The following SLC43A2 variants were observed in gnomAD, a reference collection of about 807,000 sequenced individuals.
The protein encoded by SLC43A2 is solute carrier family 43 member 2.
A neutral mutation model predicts 63.2 loss-of-function variants in SLC43A2; 38 were observed. That is an observed-to-expected ratio of 0.60 (90% CI 0.46 to 0.79). The LOEUF (loss-of-function observed/expected upper bound fraction) is 0.79. SLC43A2 is among the 30% of genes least tolerant of loss of function. SLC43A2 has a pLI of 0.00. For missense variants in SLC43A2, 644 were observed against 756.2 expected (o/e 0.85, Z 1.74); for synonymous variants, 322 against 331.0 (o/e 0.97, Z 0.30).
chr17:1,623,084 C>T (rs1340511362), intron 2 of SLC43A2, among the ~76,000 whole-genome samples: 6 of 152,154 alleles, frequency 3.9e-5, no homozygotes, highest in Non-Finnish European at 5.9e-5. Context: ...CCAGCCTGGG[C>T]GACAAGAGTG....
At chr17:1,615,471 G>C (rs548852593) in intron 3 of SLC43A2, among the ~76,000 whole-genome samples, 1 of 151,494 alleles carries the variant, frequency 6.6e-6, no homozygotes, top group Non-Finnish European at 1.5e-5. Flanking sequence ...ATAGGGGGCC[G>C]GGAGCCACTG....
At chr17:1,614,321 C>T (rs1481676712) in intron 4 of SLC43A2, among the ~76,000 whole-genome samples, 2 of 151,860 alleles carry the variant, frequency 1.3e-5, no homozygotes, top group African/African-American at 4.8e-5. Context: ...TGAAGTGGGA[C>T]GATCGCTTGA....
At position 1,615,671 on chromosome 17, in the gene SLC43A2, G is replaced by A. The variant is rs571211842; in HGVS notation, c.369-637C>T. Among the ~76,000 whole-genome samples the A allele has an allele frequency of 5.3e-3, 788 of 149,460 alleles. 4 individuals are homozygous for A. The highest frequency in any genetic ancestry group is 8.9e-3 in the African/African-American group (365 of 41,030). On this transcript the variant is annotated intron_variant, in intron 3 of 13. Coordinates refer to ENST00000301335, the MANE Select transcript of SLC43A2 (RefSeq NM_152346.3). ...ATCCTGGCTAACACAGTGAAACCCC[G>A]TCTCTACTAAAAATACAAAAAATTA...
chr17:1,626,977 T>C (rs2280461), intron 2 of SLC43A2, among the ~76,000 whole-genome samples: 17,892 of 152,158 alleles, frequency 0.12, 1,804 homozygotes, highest in East Asian at 0.39. Flanking sequence ...GGTAAGTGTG[T>C]GTTGGGTGGT....
intron 9 of SLC43A2, among the ~76,000 whole-genome samples, chr17:1,587,163 C>G (rs2076116885): frequency 6.6e-6 from 1 of 152,216 alleles, no homozygotes; most frequent in Non-Finnish European, 1.5e-5. Context: ...AGCCAGGCCT[C>G]TGGAAGTGGA....
intron 2 of SLC43A2, among the ~76,000 whole-genome samples, chr17:1,626,021 A>C (rs1908630690): frequency 6.6e-6 from 1 of 151,606 alleles, no homozygotes; most frequent in Non-Finnish European, 1.5e-5. Context: ...AAAACAAAAA[A>C]CAAAAAACAA....
chr17:1,586,593 G>T (rs1278600525), intron 9 of SLC43A2, among the ~76,000 whole-genome samples: 1 of 151,972 alleles, frequency 6.6e-6, no homozygotes, highest in African/African-American at 2.4e-5. Context: ...TACTCAGGAG[G>T]CTACAAGGAG....
At chr17:1,614,939 C>T in intron 4 of SLC43A2, 40 bp downstream of exon 4, 1 of 1,607,312 alleles carries the variant, frequency 6.2e-7, no homozygotes, top group Non-Finnish European at 8.5e-7. Flanking sequence ...GGCACTCTCT[C>T]CCCGGTCCCT....
chr17:1,615,622 T>C (rs1907535328), intron 3 of SLC43A2, among the ~76,000 whole-genome samples: 1 of 148,756 alleles, frequency 6.7e-6, no homozygotes, highest in South Asian at 2.1e-4. Context: ...GGCGGGCAGA[T>C]CACAAGGTCA....
chr17:1,587,639 G>A (rs1184176083), intron 9 of SLC43A2, among the ~76,000 whole-genome samples: 1 of 152,210 alleles, frequency 6.6e-6, no homozygotes, highest in African/African-American at 2.4e-5. Flanking sequence ...ATATGTGAGT[G>A]CTGGCTCTGA....
chr17:1,617,472 C>G (rs1907784881), intron 2 of SLC43A2, among the ~76,000 whole-genome samples: 2 of 152,046 alleles, frequency 1.3e-5, no homozygotes, highest in Admixed American at 1.3e-4. Context: ...CTCACTGCAA[C>G]CTCCGCCTCC....
intron 11 of SLC43A2, among the ~76,000 whole-genome samples, chr17:1,579,739 A>G (rs757458330): frequency 3.1e-4 from 47 of 151,942 alleles, no homozygotes; most frequent in Non-Finnish European, 5.7e-4. Context: ...CAGGAGGCTG[A>G]GGTGGGAGGA....
rs141570597 is a variant in SLC43A2 at position 1,624,109 on chromosome 17, T to C, written c.160+3606A>G. Among the ~76,000 whole-genome samples, 11 of 152,368 alleles carry C rather than the reference T, an allele frequency of 7.2e-5. No individual in the cohort carries two copies. In the East Asian group the frequency reaches 1.9e-3, roughly 27 times the overall value. ...GCACGGCACCTTCGTCAATGTTTAC[T>C]GAATGTTTAGGTTACAAGAAAGAGG... On this transcript the variant is annotated intron_variant, in intron 2 of 13. Coordinates refer to ENST00000301335, the MANE Select transcript of SLC43A2 (RefSeq NM_152346.3).
intron 2 of SLC43A2, among the ~76,000 whole-genome samples, chr17:1,624,764 A>T (rs1473681474): frequency 6.6e-6 from 1 of 151,280 alleles, no homozygotes; most frequent in African/African-American, 2.4e-5. Context: ...GGTGGCGCAC[A>T]CTTGTAGTCC....
rs145092216 is a variant in SLC43A2 at position 1,598,888 on chromosome 17, T to C, written c.502-5609A>G. On this transcript the variant is annotated intron_variant, in intron 5 of 13. Coordinates refer to ENST00000301335, the MANE Select transcript of SLC43A2 (RefSeq NM_152346.3). The stretch of plus-strand genomic sequence containing the variant: ...CTGCTCCCTTTGATGCCCTGCCTCT[T>C]GCCGCCTGGAACATTCTTACCAGCA... Among the ~76,000 whole-genome samples the C allele has an allele frequency of 1.2e-3, 179 of 152,358 alleles. 4 individuals carry two copies. Among genetic ancestry groups the C allele is most frequent in the African/African-American group, 4.2e-3 (173 of 41,578 alleles).
intron 13 of SLC43A2, among the ~76,000 whole-genome samples, chr17:1,576,328 C>A (rs949043171): frequency 6.6e-6 from 1 of 152,090 alleles, no homozygotes; most frequent in Non-Finnish European, 1.5e-5. Context: ...AAGTGATGCT[C>A]CCGCCTCGGC....
At chr17:1,604,614 T>C in intron 5 of SLC43A2, 1 of 975,522 alleles carries the variant, frequency 1.0e-6, no homozygotes, top group Non-Finnish European at 1.5e-6. Context: ...GCTCAACTCA[T>C]CTGCCCACCT....
At chr17:1,608,063 G>A (rs1020689142) in intron 5 of SLC43A2, among the ~76,000 whole-genome samples, 16 of 152,246 alleles carry the variant, frequency 1.1e-4, no homozygotes, top group East Asian at 1.9e-4. Flanking sequence ...CCTCTGTCAC[G>A]ACTGCGTTGA....
Position 1,616,618 on chromosome 17 carries a change from C to A in SLC43A2, c.312G>T (p.Leu104=). 1 of 1,614,120 alleles carries A rather than the reference C, an allele frequency of 6.2e-7. No homozygotes were observed. The highest frequency in any genetic ancestry group is 8.5e-7 in the Non-Finnish European group (1 of 1,179,998). ...VGSFLLSAIT[L]PLGIVMDKYG... is the part of the protein sequence containing the mutation. ...ACTTGTCCATGACGATACCCAGGGG[C>A]AGGGTGATGGCACTGAGCAGAAAGG... Residue 104 remains leucine (L), a synonymous_variant, in exon 3 of 14, where the codon CTG becomes CTT. Transcript: ENST00000301335.
Sources: allele counts gnomAD v4.1 joint callset (sites outside exome capture counted in the v4.1 genomes callset), GRCh38; gene constraint gnomAD v4.1.1; transcripts MANE v1.5; gene names NCBI Gene and HGNC (gene_info 2026-07-23, HGNC 2026-07-21).